CACNA2D2: variants seen among roughly 807,000 people sequenced by gnomAD.
The protein encoded by CACNA2D2 is voltage-dependent calcium channel subunit alpha-2/delta-2.
Under a neutral mutation model 166.4 loss-of-function variants are expected in CACNA2D2, and 48 were observed. That is an observed-to-expected ratio of 0.29 (90% confidence interval 0.23 to 0.37). The LOEUF (loss-of-function observed/expected upper bound fraction) is 0.37, where lower values mean the gene tolerates loss of function less well. Among genes scored for constraint, CACNA2D2 ranks in the 10% least tolerant of loss-of-function variants. The pLI is 1.00. For missense variants in CACNA2D2, 1,122 were observed against 1,433.0 expected, an observed-to-expected ratio of 0.78 and a Z score of 3.50; for synonymous variants, 561 against 573.7, an observed-to-expected ratio of 0.98 and a Z score of 0.32.
intron 22 of CACNA2D2, 48 bp downstream of exon 22, chr3:50,374,689 C>T (rs999412122): frequency 3.3e-5 from 51 of 1,553,708 alleles, no homozygotes; most frequent in Middle Eastern, 1.7e-4. Flanking sequence ...GGCCAGGGTG[C>T]GGGGCAGAGG....
rs372281044 is a variant in CACNA2D2 at position 50,438,243 on chromosome 3, G to A, written c.289-3814C>T. 9.9e-5 allele frequency among the ~76,000 whole-genome samples: 15 copies of A among 152,082 alleles called. 1 individual carries two copies. The highest frequency in any genetic ancestry group is 3.4e-4 in the African/African-American group (14 of 41,400). On this transcript the variant is annotated intron_variant, in intron 2 of 37. Transcript: ENST00000424201. ...TCCCCCCCTTGTTTCATGTACTGGT[G>A]ACCATGGCTCAGCTGGTGCCCTCCT...
intron 2 of CACNA2D2, among the ~76,000 whole-genome samples, chr3:50,447,393 G>A (rs1313052311): frequency 6.6e-6 from 1 of 152,176 alleles, no homozygotes; most frequent in Non-Finnish European, 1.5e-5. Context: ...CAGCAGGAAG[G>A]AGGGAGGCCT....
chr3:50,429,824 G>A (rs138995977), intron 3 of CACNA2D2, among the ~76,000 whole-genome samples: 209 of 151,238 alleles, frequency 1.4e-3, no homozygotes, highest in African/African-American at 4.7e-3. Flanking sequence ...TCTGTGGCAC[G>A]TTAAAACATC....
intron 22 of CACNA2D2, 25 bp from the exon 23 acceptor site, chr3:50,370,405 C>A: frequency 9.5e-7 from 1 of 1,056,064 alleles, no homozygotes; most frequent in East Asian, 6.6e-5. Flanking sequence ...GGGGGTTATC[C>A]GGCGGGGGCT....
rs1553751798 is a variant in CACNA2D2, at chr3:50,468,442, G to GTGT, written c.288+7675_288+7676insACA. On this transcript the variant is annotated intron_variant, in intron 2 of 37. Coordinates refer to ENST00000424201, the MANE Select transcript of CACNA2D2 (RefSeq NM_006030.4). ...GTGTGTGTGTGTGTGTGTGTGTGTG[G>GTGT]CTTTAGGAAACTTTCACAGACAAAC... Among the ~76,000 whole-genome samples the GTGT allele has an allele frequency of 3.0e-4, 16 of 52,596 alleles. No individual in the cohort carries two copies. In the East Asian group the frequency reaches 5.3e-3, roughly 17 times the overall value. The allele number at this position is 52,596 out of a possible 152,430, so 34.5% of individuals were successfully genotyped here.
intron 1 of CACNA2D2, among the ~76,000 whole-genome samples, chr3:50,498,511 C>T (rs959977423): frequency 2.0e-5 from 3 of 152,222 alleles, no homozygotes; most frequent in African/African-American, 7.2e-5. Flanking sequence ...CTCCTCCACC[C>T]CTCCACACAG....
intron 16 of CACNA2D2, 22 bp from the exon 17 acceptor site, chr3:50,377,563 G>A (rs777446511): frequency 7.5e-6 from 12 of 1,609,474 alleles, no homozygotes; most frequent in Non-Finnish European, 4.2e-6. Context: ...AGCATGGGGG[G>A]CTCCTCAGTG....
At position 50,366,856 on chromosome 3, in the gene CACNA2D2, C is replaced by T. The variant is rs771678835; in HGVS notation, c.2564G>A (p.Arg855His). The change falls in exon 29 of 38, where the codon CGT becomes CAT. Residue 855 changes from arginine (R) to histidine (H), a missense_variant. Arg to His is a conservative substitution (Grantham distance 29). This residue lies in a region of CACNA2D2 where 840 missense variants were observed against 1,166.8 expected (regional missense o/e 0.72). Transcript: ENST00000424201. This position sits in a 1 kb window ranked among gnomAD's most constrained non-coding sequence, Gnocchi z 5.9. ...CTTCTGAGGCTGGTCTTGGTGGGTA[C>T]GGTTGCTGGCTAGCACCTTGAACTT... ...AEKFKVLASN[R>H]THQDQPQKCG... 7.4e-6 allele frequency: 12 copies of T among 1,613,446 alleles called. No individual in the cohort carries two copies. The highest frequency in any genetic ancestry group is 1.0e-5 in the Non-Finnish European group (12 of 1,179,964).
At chr3:50,467,931 T>C (rs775196876) in intron 2 of CACNA2D2, among the ~76,000 whole-genome samples, 1 of 152,194 alleles carries the variant, frequency 6.6e-6, no homozygotes, top group Non-Finnish European at 1.5e-5. Flanking sequence ...CCTGTCTGGT[T>C]GTGGGGAATG....
chr3:50,444,243 G>A (rs758171224), intron 2 of CACNA2D2, among the ~76,000 whole-genome samples: 2 of 152,206 alleles, frequency 1.3e-5, no homozygotes, highest in Admixed American at 1.3e-4. Flanking sequence ...CACCCTGGAG[G>A]TGGTCAGCAG....
intron 2 of CACNA2D2, among the ~76,000 whole-genome samples, chr3:50,443,046 C>A (rs1189499801): frequency 6.6e-6 from 1 of 152,158 alleles, no homozygotes; most frequent in Non-Finnish European, 1.5e-5. Context: ...GAACCAGGGG[C>A]CCCTGTTTGC....
upstream of CACNA2D2, chr3:50,504,112 G>A (rs1575800497): frequency 6.6e-6 from 1 of 152,288 alleles, no homozygotes; most frequent in East Asian, 1.9e-4. Context: ...TCTCTGTCGG[G>A]GGCTTGCACG....
chr3:50,432,401 C>T (rs1708116319), intron 3 of CACNA2D2, among the ~76,000 whole-genome samples: 1 of 152,248 alleles, frequency 6.6e-6, no homozygotes, highest in Admixed American at 6.5e-5. Flanking sequence ...ATTTATCAGA[C>T]AGTTCCAACA....
intron 3 of CACNA2D2, among the ~76,000 whole-genome samples, chr3:50,394,935 G>C (rs1706073062): frequency 1.3e-5 from 2 of 152,226 alleles, no homozygotes; most frequent in Non-Finnish European, 2.9e-5. Flanking sequence ...GCGCAGTGCT[G>C]TGGGGGCTCG....
At chr3:50,441,278 C>T (rs1166464214) in intron 2 of CACNA2D2, among the ~76,000 whole-genome samples, 1 of 152,174 alleles carries the variant, frequency 6.6e-6, no homozygotes, top group African/African-American at 2.4e-5. Flanking sequence ...CCCCCACCAC[C>T]ACCCCCAGCA....
At chr3:50,445,963 T>C (rs1040972927) in intron 2 of CACNA2D2, among the ~76,000 whole-genome samples, 1 of 151,974 alleles carries the variant, frequency 6.6e-6, no homozygotes, top group African/African-American at 2.4e-5. Flanking sequence ...CCAGGTTCTC[T>C]CTCGGTGTAT....
chr3:50,465,272 A>C (rs1423031528), intron 2 of CACNA2D2, among the ~76,000 whole-genome samples: 1 of 152,244 alleles, frequency 6.6e-6, no homozygotes, highest in Non-Finnish European at 1.5e-5. Flanking sequence ...TCTTTTTAAA[A>C]GTTTTCCCTG....
At chr3:50,474,280 T>C (rs1440926174) in intron 2 of CACNA2D2, among the ~76,000 whole-genome samples, 1 of 152,108 alleles carries the variant, frequency 6.6e-6, no homozygotes, top group Non-Finnish European at 1.5e-5. Context: ...GGAGTGAAAA[T>C]GATCAATGAG....
chr3:50,374,974 AG>A (rs2106638027), intron 21 of CACNA2D2, among the ~76,000 whole-genome samples, 161 bp from the exon 22 acceptor site: 1 of 152,088 alleles, frequency 6.6e-6, no homozygotes, highest in South Asian at 2.1e-4. Context: ...TTCATGGTCT[AG>A]GGGCCGGCAC....
Sources: allele counts gnomAD v4.1 joint callset (sites outside exome capture counted in the v4.1 genomes callset), GRCh38; gene constraint gnomAD v4.1.1; regional missense constraint gnomAD v4.1.1; non-coding constraint Gnocchi (gnomAD v3.1); transcripts MANE v1.5; gene names NCBI Gene and HGNC (gene_info 2026-07-23, HGNC 2026-07-21).